ADAM10: variants seen among roughly 807,000 people sequenced by gnomAD.
ADAM10 encodes the protein ADAM metallopeptidase domain 10, also known as disintegrin and metalloproteinase domain-containing protein 10.
ADAM10 carries 17 observed loss-of-function variants against 90.1 expected under a neutral mutation model. That is an observed-to-expected ratio of 0.19 (90% CI 0.13 to 0.28). The LOEUF (loss-of-function observed/expected upper bound fraction) is 0.28. Among genes scored for constraint, ADAM10 ranks in the 10% least tolerant of loss-of-function variants. The probability of loss-of-function intolerance (pLI) is 1.00; values close to 1 mark genes in which losing one functional copy is unlikely to be tolerated. For missense variants in ADAM10, 610 were observed against 914.3 expected, an observed-to-expected ratio of 0.67 and a Z score of 4.29; for synonymous variants, 310 against 298.6, an observed-to-expected ratio of 1.04 and a Z score of -0.40.
In ADAM10 at chr15:58,640,757, T is replaced by C. The variant is rs1385853535; in HGVS notation, c.1012+20A>G. 4.3e-6 allele frequency: 7 copies of C among 1,609,942 alleles called. No individual in the cohort carries two copies. Among genetic ancestry groups the C allele is most frequent in the South Asian group, 1.1e-5 (1 of 90,846 alleles). ...TTGTTTCAAGTAGTAAGTTAAGACA[T>C]ATTTAATATGATAAACTACCTGAAG... On this transcript the variant is annotated intron_variant, in intron 8 of 15. Coordinates refer to ENST00000260408, the MANE Select transcript of ADAM10 (RefSeq NM_001110.4).
chr15:58,645,984 A>C, intron 6 of ADAM10, 71 bp downstream of exon 6: 1 of 1,552,972 alleles, frequency 6.4e-7, no homozygotes, highest in Non-Finnish European at 8.8e-7. Context: ...ACTAACTTAA[A>C]TTTTTAAAGG....
chr15:58,643,794 GAT>G, intron 7 of ADAM10, 90 bp downstream of exon 7: 1 of 1,047,746 alleles, frequency 9.5e-7, no homozygotes, highest in Non-Finnish European at 1.5e-6. Context: ...AATTCATAAA[GAT>G]AAAATTAAAA....
In ADAM10 at chr15:58,596,121, A is replaced by T. The variant is rs1894945346; in HGVS notation, c.*1426T>A. ...AAGGAAAAAAAAAAACCCAAAACAT[A>T]GAAATCTTTACAACTTTCTCTAAAT... On this transcript the variant is annotated 3_prime_UTR_variant, in exon 16 of 16. Transcript: ENST00000260408. The T allele has an allele frequency of 1.3e-5, 2 of 151,858 alleles. No individual in the cohort carries two copies. Among genetic ancestry groups the T allele is most frequent in the South Asian group, 4.1e-4 (2 of 4,824 alleles). The allele number at this position is 151,858 out of a possible 1,614,324, so 9.4% of individuals were successfully genotyped here. A position where few individuals can be genotyped will look rare whatever the true frequency, so the allele number is the denominator to read the frequency against.
At chr15:58,670,838 G>C (rs1290314016) in intron 4 of ADAM10, among the ~76,000 whole-genome samples, 1 of 152,072 alleles carries the variant, frequency 6.6e-6, no homozygotes, top group Non-Finnish European at 1.5e-5. Context: ...TGTCAGCCAT[G>C]ATCAATCAAG....
At chr15:58,737,393 A>G (rs1301538080) in intron 1 of ADAM10, among the ~76,000 whole-genome samples, 3 of 152,204 alleles carry the variant, frequency 2.0e-5, no homozygotes, top group African/African-American at 7.2e-5. Flanking sequence ...CTGACTGACT[A>G]AAAGGCAAAT....
chr15:58,721,576 T>A (rs754740308), intron 1 of ADAM10, among the ~76,000 whole-genome samples: 22 of 152,062 alleles, frequency 1.4e-4, no homozygotes, highest in Non-Finnish European at 2.6e-4. Context: ...CACACACACA[T>A]AGAACAAACT....
chr15:58,643,987 TA>T lies in ADAM10; in HGVS notation c.736-10del, dbSNP rs748354509. On this transcript the variant is annotated splice_polypyrimidine_tract_variant and intron_variant, in intron 6 of 15. Transcript: ENST00000260408. ...TTAACATGACTGGATATCTATGATT[TA>T]AAAAAAAGAACATTTTAGAGGCAAT... 21 of 1,581,386 alleles carry T rather than the reference TA, an allele frequency of 1.3e-5. No homozygotes were observed. Among genetic ancestry groups the T allele is most frequent in the African/African-American group, 5.4e-5 (4 of 74,244 alleles).
chr15:58,696,309 C>A (rs1372632555), intron 2 of ADAM10, among the ~76,000 whole-genome samples: 1 of 144,368 alleles, frequency 6.9e-6, no homozygotes, highest in Non-Finnish European at 1.6e-5. Context: ...CAAAAAAAAA[C>A]ATTGTATGCT....
chr15:58,738,767 C>G (rs550033899), intron 1 of ADAM10, among the ~76,000 whole-genome samples: 1 of 152,138 alleles, frequency 6.6e-6, no homozygotes, highest in African/African-American at 2.4e-5. Context: ...GAAATGTGTA[C>G]GTAAGATTTC....
chr15:58,632,772 T>C (rs1896138430), intron 9 of ADAM10, among the ~76,000 whole-genome samples: 1 of 152,124 alleles, frequency 6.6e-6, no homozygotes, highest in South Asian at 2.1e-4. Context: ...TTTTAAAATA[T>C]CAATCTCATT....
chr15:58,739,637 T>C lies in ADAM10; in HGVS notation c.55+9843A>G, dbSNP rs140311376. Among the ~76,000 whole-genome samples the C allele has an allele frequency of 3.1e-3, 470 of 152,344 alleles. 3 individuals are homozygous for C. Among genetic ancestry groups the C allele is most frequent in the South Asian group, 7.7e-3 (37 of 4,830 alleles). ...ATTTATAAGCATCAGTGCCAATCCA[T>C]CTCCAAAGCTGTCAACAAAACTGTC... On this transcript the variant is annotated intron_variant, in intron 1 of 15. Transcript: ENST00000260408.
rs551113411 is a variant in ADAM10, at chr15:58,669,184, G to A, written c.485-3987C>T. On this transcript the variant is annotated intron_variant, in intron 4 of 15. Coordinates refer to ENST00000260408, the MANE Select transcript of ADAM10 (RefSeq NM_001110.4). ...ACTCTCAAGAGCTGTCAGTCTAGCT[G>A]AGGTGTCTGACATGTAAACAAGCAT... Among the ~76,000 whole-genome samples the A allele has an allele frequency of 5.9e-5, 9 of 152,260 alleles. No homozygotes were observed. The South Asian group carries it at 8.3e-4, about 14-fold the overall frequency.
intron 2 of ADAM10, among the ~76,000 whole-genome samples, chr15:58,709,402 A>AT (rs1403589108): frequency 1.3e-5 from 2 of 152,226 alleles, no homozygotes; most frequent in African/African-American, 4.8e-5. Context: ...AATTTCTGAC[A>AT]TTCACTGTCT....
intron 1 of ADAM10, among the ~76,000 whole-genome samples, chr15:58,724,774 T>A (rs1458736342): frequency 6.6e-6 from 1 of 152,036 alleles, no homozygotes; most frequent in Non-Finnish European, 1.5e-5. Context: ...AGCAAAACAA[T>A]CCTCAAAGCT....
intron 4 of ADAM10, among the ~76,000 whole-genome samples, chr15:58,676,827 G>A (rs1290615241): frequency 2.6e-5 from 4 of 151,780 alleles, no homozygotes; most frequent in Non-Finnish European, 5.9e-5. Flanking sequence ...CAAAAAAATA[G>A]ATAAATAAAT....
chr15:58,729,388 T>A lies in ADAM10; in HGVS notation c.56-11661A>T, dbSNP rs117252528. 2.1e-3 allele frequency among the ~76,000 whole-genome samples: 324 copies of A among 152,288 alleles called. 1 individual carries two copies. The highest frequency in any genetic ancestry group is 0.017 in the South Asian group (84 of 4,820). ...AACACAGAATCTTGTTAATTCAAAC[T>A]GTTTTTCAGCGACTAACAGCATAGG... is the stretch of plus-strand genomic sequence containing the variant. On this transcript the variant is annotated intron_variant, in intron 1 of 15. Transcript: ENST00000260408.
chr15:58,677,230 C>T (rs1294244878), intron 4 of ADAM10, among the ~76,000 whole-genome samples: 7 of 152,140 alleles, frequency 4.6e-5, no homozygotes, highest in Admixed American at 4.6e-4. Context: ...TTAAAGATTG[C>T]TGCTTTTAAA....
intron 5 of ADAM10, among the ~76,000 whole-genome samples, chr15:58,655,711 G>GTGTATATATATATATATATA (rs1212041296): frequency 1.3e-4 from 7 of 53,708 alleles, no homozygotes; most frequent in Admixed American, 2.8e-4. Flanking sequence ...TATATATATA[G>GTGTATATATATATATATATA]TATATATATA....
chr15:58,618,322 C>A (rs1895680543), intron 11 of ADAM10, among the ~76,000 whole-genome samples: 1 of 152,070 alleles, frequency 6.6e-6, no homozygotes, highest in African/African-American at 2.4e-5. Context: ...TACCTATATG[C>A]AGAAAAATGA....
Sources: gnomAD v4.1 joint callset for allele counts (sites outside exome capture counted in the v4.1 genomes callset) on GRCh38, gnomAD v4.1.1 for gene constraint, MANE v1.5 for transcripts, NCBI Gene and HGNC (gene_info 2026-07-23, HGNC 2026-07-21) for gene names.